The following TRAPPC9 variants were observed in gnomAD, a reference collection of about 807,000 sequenced individuals.
TRAPPC9 encodes the protein IKK2 binding protein.
Under a neutral mutation model 124.0 loss-of-function variants are expected in TRAPPC9, and 83 were observed. That is an observed-to-expected ratio of 0.67 (90% CI 0.56 to 0.80). TRAPPC9 has a LOEUF of 0.80. Among genes scored for constraint, TRAPPC9 ranks in the 30% least tolerant of loss-of-function variants. The pLI is 0.00. For synonymous variants in TRAPPC9, 638 were observed against 617.5 expected (o/e 1.03, Z -0.49); for missense variants, 1,302 against 1,508.3 (o/e 0.86, Z 2.27).
intron 19 of TRAPPC9, among the ~76,000 whole-genome samples, chr8:139,917,715 C>T (rs1204610528): frequency 1.3e-5 from 2 of 152,214 alleles, no homozygotes; most frequent in African/African-American, 4.8e-5. Flanking sequence ...AATAAGGTCG[C>T]TTGCCCAAGG....
At chr8:140,438,964 A>T in intron 3 of TRAPPC9, 88 bp downstream of exon 3, 1 of 1,555,198 alleles carries the variant, frequency 6.4e-7, no homozygotes, top group Non-Finnish European at 8.9e-7. Context: ...TGCTGGGATT[A>T]CAGGCGTGAG....
At chr8:140,284,928 A>C (rs1030140786) in intron 13 of TRAPPC9, among the ~76,000 whole-genome samples, 1 of 152,218 alleles carries the variant, frequency 6.6e-6, no homozygotes, top group Non-Finnish European at 1.5e-5. Context: ...TCTCCTTCCC[A>C]AAACCACATC....
chr8:140,301,675 A>C (rs982693138), intron 10 of TRAPPC9, among the ~76,000 whole-genome samples: 8 of 152,298 alleles, frequency 5.3e-5, no homozygotes, highest in Admixed American at 1.3e-4. Flanking sequence ...TGATAAATCT[A>C]CGTGCTCCCC....
intron 17 of TRAPPC9, among the ~76,000 whole-genome samples, chr8:140,150,624 G>A (rs767127355): frequency 1.3e-5 from 2 of 152,206 alleles, no homozygotes; most frequent in Non-Finnish European, 2.9e-5. Flanking sequence ...AACCAGAGAG[G>A]AGATGAGATC....
intron 17 of TRAPPC9, among the ~76,000 whole-genome samples, chr8:140,060,587 C>T (rs571113091): frequency 1.4e-5 from 2 of 138,256 alleles, no homozygotes; most frequent in African/African-American, 2.6e-5. Flanking sequence ...CCCATCCCTA[C>T]CCAACCCTAC....
At chr8:140,429,130 G>A (rs536814246) in intron 4 of TRAPPC9, among the ~76,000 whole-genome samples, 3 of 147,922 alleles carry the variant, frequency 2.0e-5, no homozygotes, top group African/African-American at 7.4e-5. Context: ...CGCCCAGGCT[G>A]GAGTGCAGTG....
chr8:140,356,485 G>A (rs144103262), intron 9 of TRAPPC9, among the ~76,000 whole-genome samples: 2 of 152,254 alleles, frequency 1.3e-5, no homozygotes, highest in East Asian at 1.9e-4. Context: ...CATGGAAACC[G>A]CAGGGTACCC....
At chr8:139,830,572 G>GCACA (rs1171250894) in intron 21 of TRAPPC9, among the ~76,000 whole-genome samples, 1 of 149,772 alleles carries the variant, frequency 6.7e-6, no homozygotes, top group African/African-American at 2.5e-5. Context: ...AAATACACAT[G>GCACA]CACACACATA....
intron 9 of TRAPPC9, among the ~76,000 whole-genome samples, chr8:140,346,462 A>G (rs962362814): frequency 6.6e-6 from 1 of 152,202 alleles, no homozygotes; most frequent in Non-Finnish European, 1.5e-5. Flanking sequence ...CGTCAAACAC[A>G]TCCTTTGGAG....
At chr8:139,844,928 C>T (rs1235987906) in intron 21 of TRAPPC9, among the ~76,000 whole-genome samples, 1 of 152,130 alleles carries the variant, frequency 6.6e-6, no homozygotes, top group South Asian at 2.1e-4. Context: ...CAGTTCATCA[C>T]CCCGTCCCCA....
Position 140,321,582 on chromosome 8 carries a change from C to T in TRAPPC9, c.1496-10208G>A, listed in dbSNP as rs112448189. Among the ~76,000 whole-genome samples, 1,207 of 152,220 alleles carry T rather than the reference C, an allele frequency of 7.9e-3. 12 individuals carry two copies. Among genetic ancestry groups the T allele is most frequent in the African/African-American group, 0.028 (1,169 of 41,526 alleles). ...GCTCTTCCTAGGAGACAGGGCCCAA[C>T]AGCTGCTTTGTCCCTGGCAGAGGAG... is the stretch of plus-strand genomic sequence containing the variant. On this transcript the variant is annotated intron_variant, in intron 9 of 22. Coordinates refer to ENST00000438773, the MANE Select transcript of TRAPPC9 (RefSeq NM_001160372.4).
chr8:139,913,742 T>C (rs1420694091), intron 19 of TRAPPC9, among the ~76,000 whole-genome samples: 1 of 152,160 alleles, frequency 6.6e-6, no homozygotes, highest in Non-Finnish European at 1.5e-5. Context: ...AGAAATCGAG[T>C]GACTCACCTA....
At chr8:140,414,063 T>C (rs902951974) in intron 5 of TRAPPC9, among the ~76,000 whole-genome samples, 1 of 152,084 alleles carries the variant, frequency 6.6e-6, no homozygotes, top group African/African-American at 2.4e-5. Flanking sequence ...TCTGATTCTT[T>C]TTCTTCCCCA....
At chr8:139,996,489 T>C (rs1838006842) in intron 18 of TRAPPC9, among the ~76,000 whole-genome samples, 1 of 149,474 alleles carries the variant, frequency 6.7e-6, no homozygotes, top group Non-Finnish European at 1.5e-5. Context: ...ATTAAACAAG[T>C]AAATGTGAAG....
intron 21 of TRAPPC9, among the ~76,000 whole-genome samples, chr8:139,867,316 A>C (rs1296738811): frequency 1.3e-5 from 2 of 152,254 alleles, no homozygotes; most frequent in African/African-American, 4.8e-5. Context: ...CAGAGGTCAA[A>C]TCAGGATAAT....
chr8:140,349,417 A>G (rs1171071051), intron 9 of TRAPPC9, among the ~76,000 whole-genome samples: 1 of 136,738 alleles, frequency 7.3e-6, no homozygotes, highest in Non-Finnish European at 1.6e-5. Flanking sequence ...AGGGAAGGGC[A>G]CACAGCGGGG....
intron 14 of TRAPPC9, among the ~76,000 whole-genome samples, chr8:140,278,340 A>C (rs144508563): frequency 0.051 from 7,834 of 152,210 alleles, 244 homozygotes; most frequent in Non-Finnish European, 0.079. Context: ...TCCTGACCTC[A>C]GGTGATCCAC....
intron 9 of TRAPPC9, among the ~76,000 whole-genome samples, chr8:140,341,875 G>C (rs2132062116): frequency 6.6e-6 from 1 of 152,346 alleles, no homozygotes; most frequent in African/African-American, 2.4e-5. Context: ...TCTCTCCCAA[G>C]CTAAGGAGGC....
In TRAPPC9 at chr8:140,298,656, A is replaced by G. The variant is rs78209101; in HGVS notation, c.1768+1813T>C. On this transcript the variant is annotated intron_variant, in intron 11 of 22. Transcript: ENST00000438773. Reference sequence around the variant, plus strand: ...GACAGAGCTAGACCCTGTCTCAAAGAAAAAAAAAAGATGATGTGCTACACG... The same window carrying G: ...GACAGAGCTAGACCCTGTCTCAAAGGAAAAAAAAAGATGATGTGCTACACG... 8.2e-5 allele frequency among the ~76,000 whole-genome samples: 6 copies of G among 73,300 alleles called. No individual in the cohort carries two copies. The East Asian group carries it at 8.2e-4, about 10-fold the overall frequency. The allele number at this position is 73,300 out of a possible 152,430, so 48.1% of individuals were successfully genotyped here. A position where few individuals can be genotyped will look rare whatever the true frequency, so the allele number is the denominator to read the frequency against.
Sources: gnomAD v4.1 joint callset for allele counts (sites outside exome capture counted in the v4.1 genomes callset) on GRCh38, gnomAD v4.1.1 for gene constraint, MANE v1.5 for transcripts, NCBI Gene and HGNC (gene_info 2026-07-23, HGNC 2026-07-21) for gene names.